Variants in UNC13B observed in about 807,000 individuals in gnomAD.
UNC13B encodes unc-13 homolog B, also known as protein unc-13 homolog B.
In UNC13B, 144 loss-of-function variants were observed where a neutral mutation model predicts 211.0. The ratio of observed to expected loss-of-function variants is 0.68; its 90% confidence interval spans 0.60 to 0.78. The LOEUF (loss-of-function observed/expected upper bound fraction) is 0.78. Ranked by LOEUF, UNC13B falls within the 30% of genes least tolerant of loss-of-function variation. The pLI, the probability that UNC13B is intolerant of heterozygous loss-of-function variation, is 0.00. For synonymous variants in UNC13B, 709 were observed against 725.8 expected, an observed-to-expected ratio of 0.98 and a Z score of 0.37; for missense variants, 1,777 against 2,002.0, an observed-to-expected ratio of 0.89 and a Z score of 2.14.
intron 11 of UNC13B, among the ~76,000 whole-genome samples, chr9:35,345,821 T>C (rs1832320668): frequency 1.3e-5 from 2 of 152,232 alleles, no homozygotes; most frequent in Non-Finnish European, 2.9e-5. Flanking sequence ...GGTATTGATA[T>C]GCCCTCCCTC....
At position 35,305,238 on chromosome 9, in the gene UNC13B, T is replaced by C. The variant is rs993612748; in HGVS notation, c.5834T>C (p.Phe1945Ser). ...CAGTCATCTGGATTTTTGAATCTTT[T>C]TAAGACTCAGGTGAATAAAGAAGGA... is the stretch of plus-strand genomic sequence containing the variant. ...EKQSSGFLNLFKTQVNKEGSP... is the reference protein window; with the variant it reads ...EKQSSGFLNLSKTQVNKEGSP... The change falls in exon 9 of 40, where the codon TTT becomes TCT. Residue 1945 changes from phenylalanine (F) to serine (S), a missense_variant. Transcript: ENST00000635942. 1.0e-5 allele frequency: 4 copies of C among 398,852 alleles called. No homozygotes were observed. Among genetic ancestry groups the C allele is most frequent in the Non-Finnish European group, 1.8e-5 (4 of 226,014 alleles). 24.7% of individuals were successfully genotyped at this position (398,852 alleles called of 1,614,324 possible).
At chr9:35,290,844 GTCTC>G (rs993242968) in intron 7 of UNC13B, among the ~76,000 whole-genome samples, 1 of 152,044 alleles carries the variant, frequency 6.6e-6, no homozygotes, top group Non-Finnish European at 1.5e-5. Context: ...GTTGTTGTTA[GTCTC>G]TCTCTATAGT....
At chr9:35,209,147 C>G (rs1380703753) in intron 1 of UNC13B, among the ~76,000 whole-genome samples, 4 of 152,184 alleles carry the variant, frequency 2.6e-5, no homozygotes, top group African/African-American at 9.7e-5. Flanking sequence ...TCACTGCAGT[C>G]TCCGCCTCAC....
intron 6 of UNC13B, among the ~76,000 whole-genome samples, chr9:35,255,653 A>G (rs1260764813): frequency 2.0e-5 from 3 of 151,920 alleles, no homozygotes; most frequent in African/African-American, 4.8e-5. Flanking sequence ...GGATGGCAGA[A>G]CTGGTTGGGC....
intron 1 of UNC13B, among the ~76,000 whole-genome samples, chr9:35,210,973 A>G (rs1272962657): frequency 6.6e-6 from 1 of 151,602 alleles, no homozygotes; most frequent in East Asian, 1.9e-4. Context: ...GGGCTCAATG[A>G]ATCCTCCTGC....
chr9:35,257,835 G>A (rs1827024222), intron 6 of UNC13B, among the ~76,000 whole-genome samples: 1 of 152,046 alleles, frequency 6.6e-6, no homozygotes, highest in South Asian at 2.1e-4. Flanking sequence ...ACTCATAAGA[G>A]TGTTACGTAC....
intron 6 of UNC13B, among the ~76,000 whole-genome samples, chr9:35,246,783 A>G (rs980268773): frequency 1.3e-5 from 2 of 152,140 alleles, no homozygotes; most frequent in Admixed American, 6.5e-5. Flanking sequence ...GTCAGGTAGC[A>G]TGATGCCTCC....
Position 35,399,740 on chromosome 9 carries a change from C to T in UNC13B, c.12336+11C>T. 6.2e-7 allele frequency: 1 copy of T among 1,613,960 alleles called. No homozygotes were observed. The highest frequency in any genetic ancestry group is 8.5e-7 in the Non-Finnish European group (1 of 1,179,932). On this transcript the variant is annotated intron_variant, in intron 36 of 39. Transcript: ENST00000635942. ...CTGGACACCATCAAGGTGGAGGCCC[C>T]CCCTTTTTCAGACAGTCTTAACCAC...
intron 11 of UNC13B, among the ~76,000 whole-genome samples, chr9:35,329,436 G>A (rs1440049666): frequency 6.6e-6 from 1 of 152,006 alleles, no homozygotes; most frequent in Non-Finnish European, 1.5e-5. Flanking sequence ...GGCCTTGGGA[G>A]AAATCAACCT....
intron 1 of UNC13B, among the ~76,000 whole-genome samples, chr9:35,227,122 C>G (rs1824892575): frequency 6.6e-6 from 1 of 152,118 alleles, no homozygotes; most frequent in Non-Finnish European, 1.5e-5. Context: ...AAGGTAGTCT[C>G]CAGTGAGAGA....
chr9:35,339,504 T>C (rs1831859372), intron 11 of UNC13B, among the ~76,000 whole-genome samples: 1 of 152,238 alleles, frequency 6.6e-6, no homozygotes, highest in African/African-American at 2.4e-5. Context: ...TGTAGAACAG[T>C]GGCAGAAGGG....
chr9:35,308,294 A>C lies in UNC13B; in HGVS notation c.8890A>C (p.Ile2964Leu). The C allele has an allele frequency of 5.0e-6, 2 of 399,128 alleles. No individual in the cohort carries two copies. The allele number at this position is 399,128 out of a possible 1,614,324, so 24.7% of individuals were successfully genotyped here. A position where few individuals can be genotyped will look rare whatever the true frequency, so the allele number is the denominator to read the frequency against. ...GGAAGAACCCTCCACTGTCTCTGAG[A>C]TATTTCACCAGCTAGAAAAACAAGA... ...HEEEPSTVSE[I>L]FHQLEKQEEE... Residue 2964 changes from isoleucine to leucine, a missense_variant, in exon 9 of 40, where the codon ATA (isoleucine) becomes CTA (leucine). Coordinates refer to ENST00000635942, the MANE Select transcript of UNC13B (RefSeq NM_001371189.2).
At chr9:35,317,390 A>G (rs1037231325) in intron 11 of UNC13B, among the ~76,000 whole-genome samples, 1 of 151,628 alleles carries the variant, frequency 6.6e-6, no homozygotes, top group Non-Finnish European at 1.5e-5. Context: ...CTTTGTAGAG[A>G]TGGAATTTCA....
chr9:35,194,883 GAAAC>G (rs1822851702), intron 1 of UNC13B, among the ~76,000 whole-genome samples: 1 of 152,150 alleles, frequency 6.6e-6, no homozygotes, highest in Non-Finnish European at 1.5e-5. Flanking sequence ...AAGAGAAAGA[GAAAC>G]AAAAAGAAAG....
chr9:35,167,692 A>G (rs1587273546), intron 1 of UNC13B, among the ~76,000 whole-genome samples: 2 of 149,392 alleles, frequency 1.3e-5, no homozygotes, highest in Admixed American at 6.7e-5. Flanking sequence ...GGTTCAAGCA[A>G]TTATCCTGCC....
chr9:35,282,213 A>C (rs1564111441), intron 7 of UNC13B, among the ~76,000 whole-genome samples: 2 of 152,240 alleles, frequency 1.3e-5, no homozygotes, highest in African/African-American at 4.8e-5. Flanking sequence ...GGTAAAAGAT[A>C]GACCTTTGCC....
intron 11 of UNC13B, among the ~76,000 whole-genome samples, chr9:35,362,471 G>A (rs941673577): frequency 6.6e-6 from 1 of 152,198 alleles, no homozygotes; most frequent in African/African-American, 2.4e-5. Flanking sequence ...ACTAATGGAA[G>A]AAGAGACTTA....
Position 35,310,769 on chromosome 9 carries a change from G to T in UNC13B, c.9311G>T (p.Gly3104Val). ...DLVLQKDHFL[G>V]PQESFPEENA... ...GTGCTGCAAAAAGACCACTTCCTAG[G>T]TCCCCAGGAGAGGTAGGCAACAGCT... The change falls in exon 10 of 40, where the codon GGT becomes GTT. Residue 3104 changes from glycine to valine, a missense_variant. Transcript: ENST00000635942. The T allele has an allele frequency of 6.2e-7, 1 of 1,613,016 alleles. No homozygotes were observed. Among genetic ancestry groups the T allele is most frequent in the Non-Finnish European group, 8.5e-7 (1 of 1,179,502 alleles).
At chr9:35,196,663 T>C (rs1273851876) in intron 1 of UNC13B, among the ~76,000 whole-genome samples, 21 of 152,224 alleles carry the variant, frequency 1.4e-4, no homozygotes, top group Admixed American at 1.4e-3. Flanking sequence ...CACACATCTT[T>C]TCTGTTTTTA....
Sources: gnomAD v4.1 joint callset for allele counts (sites outside exome capture counted in the v4.1 genomes callset) on GRCh38, gnomAD v4.1.1 for gene constraint, MANE v1.5 for transcripts, NCBI Gene and HGNC (gene_info 2026-07-23, HGNC 2026-07-21) for gene names.